Variants in PPARG observed in about 807,000 individuals in gnomAD.
The protein encoded by PPARG is peroxisome proliferator activated receptor gamma.
PPARG carries 17 observed loss-of-function variants against 39.2 expected under a neutral mutation model. The ratio of observed to expected loss-of-function variants is 0.43; its 90% CI spans 0.30 to 0.65. PPARG has a LOEUF of 0.65. Ranked by LOEUF, PPARG falls within the 30% of genes least tolerant of loss-of-function variation. The pLI is 0.13. For missense variants in PPARG, 406 were observed against 585.9 expected (o/e 0.69, Z 3.17); for synonymous variants, 223 against 215.7 (o/e 1.03, Z -0.30).
intron 2 of PPARG, among the ~76,000 whole-genome samples, chr3:12,362,048 T>A (rs1575057703): frequency 1.3e-5 from 2 of 152,162 alleles, no homozygotes; most frequent in African/African-American, 2.4e-5. Context: ...TTTTGTTAGA[T>A]TTTTTCCCCT....
intron 5 of PPARG, among the ~76,000 whole-genome samples, chr3:12,399,919 G>A (rs1203157040): frequency 1.3e-5 from 2 of 151,266 alleles, no homozygotes; most frequent in Non-Finnish European, 2.9e-5. Flanking sequence ...GAGCCCAGAA[G>A]GTTGCAGTGA....
chr3:12,413,914 C>G (rs1007055459), intron 6 of PPARG, among the ~76,000 whole-genome samples: 18 of 151,900 alleles, frequency 1.2e-4, no homozygotes, highest in African/African-American at 4.4e-4. Flanking sequence ...AAATCCTGAC[C>G]AACATCAATT....
Position 12,381,497 on chromosome 3 carries a change from T to G in PPARG, c.390+6T>G, listed in dbSNP as rs2049659008. On this transcript the variant is annotated splice_donor_region_variant and intron_variant, in intron 4 of 7. Coordinates refer to ENST00000651735, the MANE Select transcript of PPARG (RefSeq NM_138711.6). ...ATGCTTGTGAAGGATGCAAGGTAAT[T>G]AAAAAAAAAGTCTTCAAAGAAATTG... 1 of 1,597,838 alleles carries G rather than the reference T, an allele frequency of 6.3e-7. No homozygotes were observed. Among genetic ancestry groups the G allele is most frequent in the Non-Finnish European group, 8.6e-7 (1 of 1,168,356 alleles).
chr3:12,326,860 C>G lies in PPARG; in HGVS notation c.-9+14407C>G, dbSNP rs111895100. Among the ~76,000 whole-genome samples, 217 of 152,212 alleles carry G rather than the reference C, an allele frequency of 1.4e-3. 1 individual carries two copies. Among genetic ancestry groups the G allele is most frequent in the African/African-American group, 5.1e-3 (211 of 41,540 alleles). The stretch of plus-strand genomic sequence containing the variant: ...GGGTGGTACGGCCATAGACGACAAC[C>G]AAGTATTCAAACATTGAGTGTTCAG... On this transcript the variant is annotated intron_variant, in intron 2 of 7. Transcript: ENST00000651735.
chr3:12,294,655 G>A (rs927923235), intron 1 of PPARG, among the ~76,000 whole-genome samples: 1 of 152,176 alleles, frequency 6.6e-6, no homozygotes, highest in African/African-American at 2.4e-5. Context: ...AGCACTTTGG[G>A]AGACAGAGGC....
At chr3:12,334,024 A>G (rs1220730893) in intron 2 of PPARG, among the ~76,000 whole-genome samples, 1 of 152,020 alleles carries the variant, frequency 6.6e-6, no homozygotes, top group Non-Finnish European at 1.5e-5. Flanking sequence ...ATTGGATGCA[A>G]TTCTTAATTC....
chr3:12,318,754 C>T (rs2047457358), intron 2 of PPARG, among the ~76,000 whole-genome samples: 1 of 151,936 alleles, frequency 6.6e-6, no homozygotes, highest in Non-Finnish European at 1.5e-5. Context: ...ACTTATATAT[C>T]ACAAATAATA....
chr3:12,432,040 C>T (rs888745285), intron 7 of PPARG, among the ~76,000 whole-genome samples: 2 of 151,898 alleles, frequency 1.3e-5, no homozygotes, highest in Non-Finnish European at 2.9e-5. Flanking sequence ...AAAACTTTAC[C>T]ATATAAGTAG....
At chr3:12,309,687 T>C (rs887496779) in intron 1 of PPARG, among the ~76,000 whole-genome samples, 5 of 152,250 alleles carry the variant, frequency 3.3e-5, no homozygotes, top group African/African-American at 1.2e-4. Flanking sequence ...AGTTTTCAAT[T>C]ATTTCCATTG....
Position 12,314,104 on chromosome 3 carries a change from C to G in PPARG, c.-9+1651C>G, listed in dbSNP as rs546398528. Among the ~76,000 whole-genome samples, 8 of 152,136 alleles carry G rather than the reference C, an allele frequency of 5.3e-5. No individual in the cohort carries two copies. In the South Asian group the frequency reaches 1.7e-3, roughly 32 times the overall value. On this transcript the variant is annotated intron_variant, in intron 2 of 7. Coordinates refer to ENST00000651735, the MANE Select transcript of PPARG (RefSeq NM_138711.6). ...CCAGACTGGCCAACATGGTGAAACC[C>G]CATCTCTACTAAAAATATAAAAATT...
In PPARG at chr3:12,406,057, G is replaced by A; in HGVS notation, c.705G>A (p.Leu235=). 1 of 1,614,126 alleles carries A rather than the reference G, an allele frequency of 6.2e-7. No homozygotes were observed. Among genetic ancestry groups the A allele is most frequent in the Non-Finnish European group, 8.5e-7 (1 of 1,180,016 alleles). ...CCAAAGCAAAGGCGAGGGCGATCTT[G>A]ACAGGAAAGACAACAGACAAATCAG... ...PLTKAKARAI[L]TGKTTDKSPF... Residue 235 remains leucine (L), a synonymous_variant, in exon 6 of 8, where the codon TTG becomes TTA. Transcript: ENST00000651735.
chr3:12,342,079 T>C (rs1334024595), intron 2 of PPARG, among the ~76,000 whole-genome samples: 2 of 152,196 alleles, frequency 1.3e-5, no homozygotes, highest in Non-Finnish European at 2.9e-5. Flanking sequence ...TGGCTGATGG[T>C]CAGTCATATA....
chr3:12,343,619 C>T (rs2048246042), intron 2 of PPARG, among the ~76,000 whole-genome samples: 1 of 152,184 alleles, frequency 6.6e-6, no homozygotes, highest in African/African-American at 2.4e-5. Flanking sequence ...GTTTGCACTT[C>T]TCTCAAACCA....
intron 5 of PPARG, among the ~76,000 whole-genome samples, chr3:12,396,457 T>A (rs1302203144): frequency 6.6e-6 from 1 of 152,064 alleles, no homozygotes; most frequent in Non-Finnish European, 1.5e-5. Flanking sequence ...ATTTAGTCAT[T>A]AAGAATTTTG....
intron 4 of PPARG, among the ~76,000 whole-genome samples, chr3:12,386,438 T>A (rs2049875381): frequency 6.6e-6 from 1 of 152,066 alleles, no homozygotes. Flanking sequence ...CCTTGGATCA[T>A]CACAAAAAAT....
In PPARG at chr3:12,362,520, A is replaced by AAAATAAAT. The variant is rs144523043; in HGVS notation, c.-8-17140_-8-17133dup. 2.3e-3 allele frequency among the ~76,000 whole-genome samples: 346 copies of AAAATAAAT among 147,970 alleles called. 1 individual carries two copies. The highest frequency in any genetic ancestry group is 2.5e-3 in the Non-Finnish European group (168 of 67,092). ...GGCAACAGAGTGAGACTTCGTCTCA[A>AAAATAAAT]AAATAAATAAATAAATAAATAAATA... On this transcript the variant is annotated intron_variant, in intron 2 of 7. Transcript: ENST00000651735.
At chr3:12,362,758 A>G (rs539364320) in intron 2 of PPARG, among the ~76,000 whole-genome samples, 2 of 152,126 alleles carry the variant, frequency 1.3e-5, no homozygotes, top group Admixed American at 1.3e-4. Context: ...AAGGCTTTAA[A>G]TATTTCACCA....
Position 12,357,851 on chromosome 3 carries a change from A to T in PPARG, c.-8-21853A>T, listed in dbSNP as rs190297158. On this transcript the variant is annotated intron_variant, in intron 2 of 7. Coordinates refer to ENST00000651735, the MANE Select transcript of PPARG (RefSeq NM_138711.6). Reference sequence around the variant, plus strand: ...TTTTATGTATTCCCTAAGCCAAATCATATAGTCACTGAAGAAAAGATCCAT... The same window carrying T: ...TTTTATGTATTCCCTAAGCCAAATCTTATAGTCACTGAAGAAAAGATCCAT... Among the ~76,000 whole-genome samples, 228 of 152,348 alleles carry T rather than the reference A, an allele frequency of 1.5e-3. 1 individual carries two copies. Among genetic ancestry groups the T allele is most frequent in the African/African-American group, 5.3e-3 (219 of 41,590 alleles).
chr3:12,337,556 A>G (rs1398924002), intron 2 of PPARG, among the ~76,000 whole-genome samples: 1 of 152,036 alleles, frequency 6.6e-6, no homozygotes, highest in Non-Finnish European at 1.5e-5. Context: ...CATCTAATCT[A>G]CTCTCCTTTC....
Sources: gnomAD v4.1 joint callset for allele counts (sites outside exome capture counted in the v4.1 genomes callset) on GRCh38, gnomAD v4.1.1 for gene constraint, MANE v1.5 for transcripts, NCBI Gene and HGNC (gene_info 2026-07-23, HGNC 2026-07-21) for gene names.